Variants in FSTL5 observed in about 807,000 individuals in gnomAD.
FSTL5 encodes follistatin like 5.
A neutral mutation model predicts 89.1 loss-of-function variants in FSTL5; 62 were observed. The ratio of observed to expected loss-of-function variants is 0.70; its 90% CI spans 0.57 to 0.86. The LOEUF (loss-of-function observed/expected upper bound fraction) is 0.86, where lower values mean the gene tolerates loss of function less well. Among genes scored for constraint, FSTL5 ranks in the 40% least tolerant of loss-of-function variants. FSTL5 has a pLI of 0.00. For missense variants in FSTL5, 1,057 were observed against 1,001.6 expected, an observed-to-expected ratio of 1.06 and a Z score of -0.75; for synonymous variants, 383 against 346.2, an observed-to-expected ratio of 1.11 and a Z score of -1.18.
chr4:162,077,512 C>T (rs17641177), intron 2 of FSTL5, among the ~76,000 whole-genome samples: 5,585 of 151,924 alleles, frequency 0.037, 161 homozygotes, highest in East Asian at 0.11. Flanking sequence ...CCCATTCTTA[C>T]TCCTCAGTGT....
intron 3 of FSTL5, among the ~76,000 whole-genome samples, chr4:161,955,948 G>A (rs1472058939): frequency 1.3e-5 from 2 of 151,264 alleles, no homozygotes; most frequent in Admixed American, 6.6e-5. Context: ...CTACACTCTC[G>A]GAACACTGAG....
intron 15 of FSTL5, among the ~76,000 whole-genome samples, chr4:161,434,123 G>A (rs1251110802): frequency 2.0e-5 from 3 of 152,056 alleles, no homozygotes; most frequent in African/African-American, 7.2e-5. Context: ...GAACAAAACT[G>A]GAGGAGTCAC....
At chr4:161,876,103 A>C (rs1732433546) in intron 4 of FSTL5, among the ~76,000 whole-genome samples, 2 of 152,208 alleles carry the variant, frequency 1.3e-5, no homozygotes, top group African/African-American at 4.8e-5. Flanking sequence ...AATGTTGATA[A>C]AAATACGTAT....
At chr4:161,490,478 G>T (rs548757903) in intron 12 of FSTL5, among the ~76,000 whole-genome samples, 44 of 152,198 alleles carry the variant, frequency 2.9e-4, no homozygotes, top group African/African-American at 9.9e-4. Flanking sequence ...AAATCAGGTG[G>T]ATTTTGTGAC....
At chr4:162,161,815 G>A (rs1388842) in intron 1 of FSTL5, among the ~76,000 whole-genome samples, 79,912 of 151,618 alleles carry the variant, frequency 0.53, 21,234 homozygotes, top group Admixed American at 0.59. Flanking sequence ...CCATAATTCT[G>A]TTAGAAATTT....
chr4:161,901,142 T>C (rs530374892), intron 4 of FSTL5, among the ~76,000 whole-genome samples: 2 of 151,728 alleles, frequency 1.3e-5, no homozygotes, highest in Non-Finnish European at 2.9e-5. Context: ...ATAACAACAA[T>C]GTCCTTGCCC....
chr4:161,686,305 C>CATATAT, intron 6 of FSTL5, among the ~76,000 whole-genome samples: 10 of 25,974 alleles, frequency 3.8e-4, no homozygotes, highest in South Asian at 2.5e-3. Flanking sequence ...TCTCCTTTGC[C>CATATAT]ATATATATAT....
chr4:161,723,323 T>C (rs952867175), intron 6 of FSTL5, among the ~76,000 whole-genome samples: 12 of 152,122 alleles, frequency 7.9e-5, no homozygotes, highest in Admixed American at 4.6e-4. Flanking sequence ...TCACTAACTA[T>C]AAATGTATTA....
At chr4:162,152,869 G>GA (rs34143516) in intron 1 of FSTL5, among the ~76,000 whole-genome samples, 23,576 of 142,752 alleles carry the variant, frequency 0.17, 2,249 homozygotes, top group Non-Finnish European at 0.22. Flanking sequence ...AAACTGGAAA[G>GA]AAAAAAAAAA....
At chr4:161,453,047 A>G (rs1733228058) in intron 15 of FSTL5, among the ~76,000 whole-genome samples, 1 of 152,154 alleles carries the variant, frequency 6.6e-6, no homozygotes, top group Non-Finnish European at 1.5e-5. Context: ...ATCTACAAAC[A>G]CAGAATTACA....
chr4:161,617,924 T>C (rs1000251200), intron 7 of FSTL5, among the ~76,000 whole-genome samples: 2 of 152,218 alleles, frequency 1.3e-5, no homozygotes, highest in Non-Finnish European at 2.9e-5. Context: ...AGTATGGTCA[T>C]TTTCACGATA....
At chr4:161,638,451 T>G (rs912999630) in intron 7 of FSTL5, among the ~76,000 whole-genome samples, 3 of 152,140 alleles carry the variant, frequency 2.0e-5, no homozygotes, top group African/African-American at 7.2e-5. Flanking sequence ...TTGAATACCC[T>G]TTATTTCCTT....
chr4:161,642,868 T>A (rs533112596), intron 7 of FSTL5, among the ~76,000 whole-genome samples: 1 of 152,160 alleles, frequency 6.6e-6, no homozygotes, highest in Non-Finnish European at 1.5e-5. Context: ...ATTACGGAGA[T>A]GAATGTTGGA....
intron 2 of FSTL5, chr4:162,047,329 G>A (rs950946038): frequency 3.3e-5 from 5 of 152,050 alleles, no homozygotes; most frequent in African/African-American, 4.8e-5. Context: ...TTCTTACTAT[G>A]TAGCATGCAA....
At chr4:161,424,268 TAA>T in intron 15 of FSTL5, among the ~76,000 whole-genome samples, 2 of 152,064 alleles carry the variant, frequency 1.3e-5, no homozygotes, top group South Asian at 4.1e-4. Context: ...ATCCATGTAA[TAA>T]GAGTAACTCT....
At chr4:162,027,144 G>T (rs1737324575) in intron 3 of FSTL5, among the ~76,000 whole-genome samples, 1 of 152,110 alleles carries the variant, frequency 6.6e-6, no homozygotes, top group Admixed American at 6.6e-5. Context: ...AGAGAAGGAT[G>T]TTCTTCTCCC....
At chr4:161,610,816 T>A (rs1441048515) in intron 7 of FSTL5, among the ~76,000 whole-genome samples, 2 of 152,058 alleles carry the variant, frequency 1.3e-5, no homozygotes, top group Non-Finnish European at 2.9e-5. Context: ...ATGAAGTTTT[T>A]CTGTGGAGAT....
intron 9 of FSTL5, among the ~76,000 whole-genome samples, chr4:161,542,122 C>T (rs1578911538): frequency 6.6e-6 from 1 of 151,762 alleles, no homozygotes; most frequent in South Asian, 2.1e-4. Context: ...GCTAAAAAAT[C>T]CACTAAAAAT....
At chr4:161,955,147 A>G (rs1330395334) in intron 3 of FSTL5, among the ~76,000 whole-genome samples, 2 of 151,684 alleles carry the variant, frequency 1.3e-5, no homozygotes, top group East Asian at 3.9e-4. Context: ...ATAATTTTCT[A>G]TAGGTAATAT....
Sources: allele counts gnomAD v4.1 joint callset (sites outside exome capture counted in the v4.1 genomes callset), GRCh38; gene constraint gnomAD v4.1.1; transcripts MANE v1.5; gene names NCBI Gene and HGNC (gene_info 2026-07-23, HGNC 2026-07-21).